SRRM1: variants seen among roughly 807,000 people sequenced by gnomAD.
SRRM1 encodes the protein serine and arginine repetitive matrix 1.
Under a neutral mutation model 110.2 loss-of-function variants are expected in SRRM1, and 19 were observed. The observed-to-expected ratio is 0.17, with a 90% confidence interval of 0.12 to 0.25. SRRM1 has a LOEUF of 0.25. Among genes scored for constraint, SRRM1 ranks in the 10% least tolerant of loss-of-function variants. SRRM1 has a pLI of 1.00. For missense variants in SRRM1, 918 were observed against 1,145.8 expected (o/e 0.80, Z 2.87); for synonymous variants, 443 against 414.9 (o/e 1.07, Z -0.82).
chr1:24,671,439 A>G lies in SRRM1; in HGVS notation c.2454A>G (p.Lys818=). The change falls in exon 16 of 17, where the codon AAA becomes AAG. Residue 818 remains lysine, a synonymous_variant. Transcript: ENST00000323848. The stretch of plus-strand genomic sequence containing the variant: ...AAAAGAAGAAAAAGAAGGACAAGAA[A>G]CACAAAAAGGATAAGAAGCACAAGA... ...GKKKKKKKDK[K]HKKDKKHKKH... The G allele has an allele frequency of 6.2e-7, 1 of 1,613,662 alleles. No homozygotes were observed. The highest frequency in any genetic ancestry group is 2.2e-5 in the East Asian group (1 of 44,888).
At chr1:24,657,200 C>T (rs1269846052) in intron 9 of SRRM1, among the ~76,000 whole-genome samples, 54 of 152,184 alleles carry the variant, frequency 3.5e-4, no homozygotes, top group Non-Finnish European at 1.9e-4. Flanking sequence ...GCCACCACAC[C>T]CGGCCCAGAC....
rs189310433 is a variant in SRRM1 at position 24,655,280 on chromosome 1, T to C, written c.1315+151T>C. On this transcript the variant is annotated intron_variant, in intron 9 of 16. Coordinates refer to ENST00000323848, the MANE Select transcript of SRRM1 (RefSeq NM_005839.4). The stretch of plus-strand genomic sequence containing the variant: ...GTAGGTTTACTTATAAGCCTACCTC[T>C]TTCCTGCTTTAAAATCTTGGGGCTT... 20 of 976,324 alleles carry C rather than the reference T, an allele frequency of 2.0e-5. No individual in the cohort carries two copies. The Admixed American group carries it at 3.1e-4, about 15-fold the overall frequency. 60.5% of individuals were successfully genotyped at this position (976,324 alleles called of 1,614,324 possible).
At chr1:24,672,074 A>G (rs1673068605) in intron 16 of SRRM1, 108 bp from the exon 17 acceptor site, 4 of 812,046 alleles carry the variant, frequency 4.9e-6, no homozygotes, top group African/African-American at 1.7e-5. Context: ...CTACCCCACA[A>G]CAGTCCCCGG....
chr1:24,666,532 C>T (rs1199891136), intron 12 of SRRM1: 2 of 307,262 alleles, frequency 6.5e-6, no homozygotes. Flanking sequence ...GAGGCTGAGG[C>T]AGGCAGATCA....
intron 1 of SRRM1, among the ~76,000 whole-genome samples, chr1:24,644,233 G>A (rs998103696): frequency 4.6e-5 from 7 of 152,094 alleles, no homozygotes; most frequent in African/African-American, 1.7e-4. Context: ...TATCAGGCTC[G>A]TGCTGGAGCC....
At chr1:24,667,851 TCTC>T (rs778626329) in intron 13 of SRRM1, among the ~76,000 whole-genome samples, 8 of 152,128 alleles carry the variant, frequency 5.3e-5, no homozygotes, top group Admixed American at 2.0e-4. Flanking sequence ...AAGTGGCAAA[TCTC>T]CTATTTTTGT....
chr1:24,669,728 A>C, intron 14 of SRRM1, 141 bp downstream of exon 14: 1 of 721,560 alleles, frequency 1.4e-6, no homozygotes, highest in South Asian at 2.1e-5. Flanking sequence ...TACAGATCTT[A>C]TTCCATTTTT....
At chr1:24,670,438 TATAC>T in intron 15 of SRRM1, 123 bp downstream of exon 15, 1 of 982,210 alleles carries the variant, frequency 1.0e-6, no homozygotes, top group Non-Finnish European at 1.5e-6. Flanking sequence ...ATTTGTGAGT[TATAC>T]ATCTGATCTT....
chr1:24,653,770 T>TG (rs1449197325), intron 8 of SRRM1, among the ~76,000 whole-genome samples: 1 of 152,198 alleles, frequency 6.6e-6, no homozygotes, highest in African/African-American at 2.4e-5. Context: ...TGTGCCTTCT[T>TG]GCAATACGTT....
intron 2 of SRRM1, 45 bp downstream of exon 2, chr1:24,646,118 A>G: frequency 1.4e-6 from 2 of 1,428,566 alleles, no homozygotes; most frequent in Non-Finnish European, 2.0e-6. Context: ...TAGCACACTT[A>G]CTTGACTCAA....
At chr1:24,670,550 G>A (rs1672194793) in intron 15 of SRRM1, among the ~76,000 whole-genome samples, 1 of 152,180 alleles carries the variant, frequency 6.6e-6, no homozygotes, top group African/African-American at 2.4e-5. Flanking sequence ...CACGCTGAGT[G>A]CAGTGGGATG....
intron 14 of SRRM1, 108 bp from the exon 15 acceptor site, chr1:24,670,012 G>A (rs1671932269): frequency 4.1e-6 from 4 of 976,198 alleles, no homozygotes; most frequent in South Asian, 1.7e-5. Context: ...AGCAATCTAA[G>A]TGGTATATTT....
Position 24,670,168 on chromosome 1 carries a change from A to G in SRRM1, c.2253A>G (p.Arg751=), listed in dbSNP as rs780901205. 1 of 1,613,506 alleles carries G rather than the reference A, an allele frequency of 6.2e-7. No individual in the cohort carries two copies. The highest frequency in any genetic ancestry group is 8.5e-7 in the Non-Finnish European group (1 of 1,179,828). Reference sequence around the variant, plus strand: ...CTGTAAGAAGGGTCTCATCCTCCCGATCTGTCTCCGGGTCTCCTGAGCCAG... The same window carrying G: ...CTGTAAGAAGGGTCTCATCCTCCCGGTCTGTCTCCGGGTCTCCTGAGCCAG... ...PQSVRRVSSS[R]SVSGSPEPAA... Residue 751 remains arginine, a synonymous_variant, in exon 15 of 17, where the codon CGA becomes CGG. Transcript: ENST00000323848.
intron 12 of SRRM1, among the ~76,000 whole-genome samples, chr1:24,665,148 C>T (rs539659827): frequency 3.8e-4 from 58 of 152,032 alleles, no homozygotes; most frequent in African/African-American, 1.2e-3. Flanking sequence ...AGATAGAGGC[C>T]GGGTGCGGTG....
At chr1:24,658,042 T>C (rs1000445633) in intron 9 of SRRM1, among the ~76,000 whole-genome samples, 1 of 152,148 alleles carries the variant, frequency 6.6e-6, no homozygotes, top group African/African-American at 2.4e-5. Context: ...GCTAGAATGA[T>C]TTTGTCCCTT....
Position 24,669,214 on chromosome 1 carries a change from A to C in SRRM1, c.1831A>C (p.Lys611Gln), listed in dbSNP as rs1671539810. The C allele has an allele frequency of 6.2e-7, 1 of 1,613,804 alleles. No homozygotes were observed. The highest frequency in any genetic ancestry group is 1.7e-5 in the Admixed American group (1 of 59,984). The change falls in exon 14 of 17, where the codon AAG becomes CAG. Residue 611 changes from lysine (K) to glutamine (Q), a missense_variant. By Grantham distance (53) the Lys-to-Gln change is moderately conservative. Around this residue, in one of 5 missense-constraint regions of SRRM1, gnomAD observed 357 missense variants for 402.9 expected, o/e 0.89. Coordinates refer to ENST00000323848, the MANE Select transcript of SRRM1 (RefSeq NM_005839.4). ...QRRYSPSPPP[K>Q]RRTASPPPPP... ...GAGATACTCTCCTTCTCCACCTCCA[A>C]AGAGAAGAACGGCTTCACCTCCTCC...
intron 12 of SRRM1, 76 bp downstream of exon 12, chr1:24,662,880 G>C (rs898156755): frequency 6.4e-7 from 1 of 1,564,728 alleles, no homozygotes; most frequent in African/African-American, 1.4e-5. Context: ...GATTATTTGA[G>C]AATTTGGTTA....
In SRRM1 at chr1:24,672,244, C is replaced by T. The variant is rs1673170985; in HGVS notation, c.2673C>T (p.Ala891=). The T allele has an allele frequency of 1.2e-6, 2 of 1,609,820 alleles. No individual in the cohort carries two copies. Among genetic ancestry groups the T allele is most frequent in the Middle Eastern group, 1.7e-4 (1 of 5,890 alleles). ...DDLEKHLREK[A]LRSMRKAQVS... ...TAGAAAAGCACCTGCGTGAAAAGGC[C>T]CTGAGATCAATGAGGAAGGCCCAAG... Residue 891 remains alanine (A), a synonymous_variant, in exon 17 of 17, where the codon GCC becomes GCT. Transcript: ENST00000323848.
chr1:24,669,338 G>A lies in SRRM1; in HGVS notation c.1955G>A (p.Arg652His), dbSNP rs371118748. The change falls in exon 14 of 17, where the codon CGT becomes CAT. Residue 652 changes from arginine to histidine, a missense_variant. Coordinates refer to ENST00000323848, the MANE Select transcript of SRRM1 (RefSeq NM_005839.4). The part of the protein sequence containing the change: ...KQRSSPVTKR[R>H]SPSLSSKHRK... ...AGAAGCTCCCCAGTCACCAAGAGAC[G>A]TTCACCTTCATTATCATCCAAGCAT... The A allele has an allele frequency of 1.2e-5, 20 of 1,613,940 alleles. No individual in the cohort carries two copies. Among genetic ancestry groups the A allele is most frequent in the African/African-American group, 2.7e-5 (2 of 74,858 alleles).
Sources: allele counts gnomAD v4.1 joint callset (sites outside exome capture counted in the v4.1 genomes callset), GRCh38; gene constraint gnomAD v4.1.1; regional missense constraint gnomAD v4.1.1; transcripts MANE v1.5; gene names NCBI Gene and HGNC (gene_info 2026-07-23, HGNC 2026-07-21).